The following GSE1 variants were observed in gnomAD, a reference collection of about 807,000 sequenced individuals.
The protein encoded by GSE1 is Gse1 coiled-coil protein, also known as genetic suppressor element 1.
Under a neutral mutation model 112.6 loss-of-function variants are expected in GSE1, and 32 were observed. The ratio of observed to expected loss-of-function variants is 0.28; its 90% CI spans 0.21 to 0.38. The LOEUF is 0.38. GSE1 is among the 10% of genes least tolerant of loss of function. The pLI is 1.00. For missense variants in GSE1, 2,348 were observed against 1,699.2 expected, an observed-to-expected ratio of 1.38 and a Z score of -6.71; for synonymous variants, 1,115 against 735.6, an observed-to-expected ratio of 1.52 and a Z score of -8.35.
chr16:85,599,294 A>G (rs1430585895), intron 1 of GSE1, among the ~76,000 whole-genome samples: 7 of 152,232 alleles, frequency 4.6e-5, no homozygotes, highest in African/African-American at 1.7e-4. Flanking sequence ...TTAAAAGACG[A>G]TCACGCCACA....
chr16:85,189,844 G>T (rs1597756519), intron 1 of GSE1, among the ~76,000 whole-genome samples: 1 of 152,290 alleles, frequency 6.6e-6, no homozygotes. Context: ...TCTAATGCCT[G>T]TAGGTTCTGT....
chr16:85,248,301 G>T (rs1200592749), intron 1 of GSE1, among the ~76,000 whole-genome samples: 2 of 152,110 alleles, frequency 1.3e-5, no homozygotes. Context: ...CCTCTGCCCG[G>T]TTTGGATTCT....
At chr16:85,221,457 A>C (rs2075391811) in intron 1 of GSE1, among the ~76,000 whole-genome samples, 1 of 152,134 alleles carries the variant, frequency 6.6e-6, no homozygotes, top group South Asian at 2.1e-4. Flanking sequence ...GTACACACAC[A>C]CACACAGACG....
At chr16:85,402,754 T>G (rs914245306) in intron 2 of GSE1, among the ~76,000 whole-genome samples, 1 of 152,000 alleles carries the variant, frequency 6.6e-6, no homozygotes, top group Admixed American at 6.6e-5. Flanking sequence ...AAACCCTGTC[T>G]CTACAAAAAA....
chr16:85,464,707 C>T (rs2050076297), intron 2 of GSE1, among the ~76,000 whole-genome samples: 1 of 152,230 alleles, frequency 6.6e-6, no homozygotes. Context: ...TGCTCCTCCT[C>T]TGCCACACCA....
Position 85,668,124 on chromosome 16 carries a change from C to T in GSE1, c.3131-16C>T, listed in dbSNP as rs1598709339. The T allele has an allele frequency of 1.9e-6, 3 of 1,550,778 alleles. No homozygotes were observed. Among genetic ancestry groups the T allele is most frequent in the African/African-American group, 1.4e-5 (1 of 73,542 alleles). ...CTTCCCCCAACACACTGATGCAAGCCCTGTCCCCTCCACAGGGAGCGTGGC... is the reference window on the plus strand; with the variant it reads ...CTTCCCCCAACACACTGATGCAAGCTCTGTCCCCTCCACAGGGAGCGTGGC... On this transcript the variant is annotated splice_polypyrimidine_tract_variant and intron_variant, in intron 13 of 15. Transcript: ENST00000253458.
At chr16:85,478,927 C>G (rs71372925) in intron 2 of GSE1, among the ~76,000 whole-genome samples, 1 of 28,046 alleles carries the variant, frequency 3.6e-5, no homozygotes, top group Non-Finnish European at 6.8e-5. Context: ...TTCTTTCTTT[C>G]TCTTTCTTTC....
chr16:85,674,612 T>C lies in GSE1; in HGVS notation c.*2073T>C, dbSNP rs1051272309. ...CAGGCCTCCTCCTCCATCACAGATGTCTGGATGCTTTTGGAAATGGCCTTG... is the reference window on the plus strand; with the variant it reads ...CAGGCCTCCTCCTCCATCACAGATGCCTGGATGCTTTTGGAAATGGCCTTG... On this transcript the variant is annotated 3_prime_UTR_variant, in exon 16 of 16. Coordinates refer to ENST00000253458, the MANE Select transcript of GSE1 (RefSeq NM_014615.5). 3 of 152,236 alleles carry C rather than the reference T, an allele frequency of 2.0e-5. No individual in the cohort carries two copies. The highest frequency in any genetic ancestry group is 4.4e-5 in the Non-Finnish European group (3 of 68,052). The allele number at this position is 152,236 out of a possible 1,614,324, so 9.4% of individuals were successfully genotyped here.
Position 85,656,096 on chromosome 16 carries a change from G to C in GSE1, c.989+179G>C, listed in dbSNP as rs536296787. On this transcript the variant is annotated intron_variant, in intron 6 of 15. Coordinates refer to ENST00000253458, the MANE Select transcript of GSE1 (RefSeq NM_014615.5). Reference sequence around the variant, plus strand: ...TCTGCTCTGAAATAGCGCCTGTCTCGGTAGCCGTGGTCTCCTGCAGTAAAC... The same window carrying C: ...TCTGCTCTGAAATAGCGCCTGTCTCCGTAGCCGTGGTCTCCTGCAGTAAAC... 7.9e-5 allele frequency among the ~76,000 whole-genome samples: 12 copies of C among 152,284 alleles called. No individual in the cohort carries two copies. In the South Asian group the frequency reaches 2.3e-3, roughly 29 times the overall value.
chr16:85,240,683 C>T (rs953780292), intron 1 of GSE1, among the ~76,000 whole-genome samples: 4 of 152,204 alleles, frequency 2.6e-5, no homozygotes, highest in African/African-American at 7.2e-5. Flanking sequence ...TGCGAGGTTC[C>T]TCGGGGCCAC....
At chr16:85,612,598 C>T (rs1448957874), upstream of GSE1, among the ~76,000 whole-genome samples, 1 of 151,232 alleles carries the variant, frequency 6.6e-6, no homozygotes, top group African/African-American at 2.4e-5. Context: ...TTGTGGCCTT[C>T]CCAAAAGTTA....
At chr16:85,545,474 G>T (rs760854148) in intron 2 of GSE1, among the ~76,000 whole-genome samples, 3 of 152,150 alleles carry the variant, frequency 2.0e-5, no homozygotes, top group Non-Finnish European at 4.4e-5. Context: ...GTCTTTGCCA[G>T]CTCCTACCAC....
At chr16:85,552,621 C>G (rs141361804), upstream of GSE1, among the ~76,000 whole-genome samples, 1 of 152,224 alleles carries the variant, frequency 6.6e-6, no homozygotes, top group African/African-American at 2.4e-5. Flanking sequence ...CGTGAGCCAC[C>G]GCGCTCAGTC....
intron 1 of GSE1, among the ~76,000 whole-genome samples, chr16:85,244,473 G>T (rs772670020): frequency 3.9e-5 from 6 of 152,116 alleles, no homozygotes; most frequent in Non-Finnish European, 7.4e-5. Flanking sequence ...AAATTAATTT[G>T]TGTTTTAATA....
At chr16:85,338,728 G>A (rs1200983668) in intron 1 of GSE1, among the ~76,000 whole-genome samples, 1 of 152,144 alleles carries the variant, frequency 6.6e-6, no homozygotes, top group African/African-American at 2.4e-5. Flanking sequence ...TAGCTAGTAG[G>A]TACTGTCATT....
intron 1 of GSE1, among the ~76,000 whole-genome samples, chr16:85,195,746 A>G (rs1258134401): frequency 6.6e-6 from 1 of 152,216 alleles, no homozygotes; most frequent in Non-Finnish European, 1.5e-5. Context: ...GCACCAGGGC[A>G]CCGCACTGCT....
intron 2 of GSE1, among the ~76,000 whole-genome samples, chr16:85,643,005 C>T (rs1050716650): frequency 2.0e-4 from 31 of 152,132 alleles, no homozygotes; most frequent in Admixed American, 1.8e-3. Flanking sequence ...TCAGGGGGTG[C>T]CGGTGGTTTT....
At chr16:85,230,432 C>T (rs1426669897) in intron 1 of GSE1, among the ~76,000 whole-genome samples, 7 of 152,198 alleles carry the variant, frequency 4.6e-5, no homozygotes. Context: ...CTCAGACTCA[C>T]TCAAGCAAAA....
rs1160280190 is a variant in GSE1, at chr16:85,633,977, C to T, written c.71C>T (p.Ala24Val). Residue 24 changes from alanine to valine, a missense_variant, in exon 2 of 16, where the codon GCC becomes GTC. Transcript: ENST00000253458. ...GMLSTATRTT[A>V]TVNPLTPSPL... is the part of the protein sequence containing the mutation. ...CTTTCCACCGCGACCAGGACCACCG[C>T]CACCGTCAACCCCCTCACCCCCTCG... 1.2e-6 allele frequency: 2 copies of T among 1,613,280 alleles called. No homozygotes were observed. Among genetic ancestry groups the T allele is most frequent in the East Asian group, 2.2e-5 (1 of 44,856 alleles).
Sources: gnomAD v4.1 joint callset for allele counts (sites outside exome capture counted in the v4.1 genomes callset) on GRCh38, gnomAD v4.1.1 for gene constraint, MANE v1.5 for transcripts, NCBI Gene and HGNC (gene_info 2026-07-23, HGNC 2026-07-21) for gene names.